The following XAF1 variants were observed in gnomAD, a reference collection of about 807,000 sequenced individuals.
XAF1 encodes the protein XIAP associated factor 1, also known as XIAP-associated factor 1.
XAF1 carries 32 observed loss-of-function variants against 32.3 expected under a neutral mutation model. The ratio of observed to expected loss-of-function variants is 0.99; its 90% CI spans 0.75 to 1.33. The LOEUF is 1.33. Ranked by LOEUF, XAF1 falls within the 40% of genes most tolerant of loss-of-function variation. XAF1 has a pLI of 0.00. For synonymous variants in XAF1, 120 were observed against 125.9 expected (o/e 0.95, Z 0.31); for missense variants, 379 against 366.0 (o/e 1.04, Z -0.29).
intron 6 of XAF1, chr17:6,772,804 T>C: frequency 3.9e-6 from 1 of 256,382 alleles, no homozygotes; most frequent in South Asian, 7.7e-5. Context: ...AATTCAGCAA[T>C]ACCCAAGGAA....
rs532256542 is a variant in XAF1, at chr17:6,770,759, A to G, written c.624A>G (p.Lys208=). Residue 208 remains lysine, a synonymous_variant, in exon 6 of 7, where the codon AAA becomes AAG. Coordinates refer to ENST00000361842, the MANE Select transcript of XAF1 (RefSeq NM_017523.5). ...AAENQTSTME[K]DVRPKTRSIN... ...AAAATCAAACTTCCACGATGGAGAA[A>G]GATGTTCGTCCAAAGACAAGAAGTA... 1.4e-5 allele frequency: 23 copies of G among 1,614,076 alleles called. 1 individual carries two copies. The South Asian group carries it at 2.4e-4, about 17-fold the overall frequency.
intron 5 of XAF1, among the ~76,000 whole-genome samples, chr17:6,763,575 G>A (rs373596061): frequency 5.9e-5 from 9 of 152,104 alleles, no homozygotes; most frequent in Admixed American, 3.9e-4. Flanking sequence ...CAGGTTATCC[G>A]CCTTCCTCGG....
intron 4 of XAF1, 175 bp from the exon 5 acceptor site, chr17:6,761,980 C>G: frequency 6.5e-7 from 1 of 1,532,068 alleles, no homozygotes; most frequent in Non-Finnish European, 8.7e-7. Flanking sequence ...GTGGGTGATT[C>G]GGCCAAGAGT....
At chr17:6,766,119 CT>C (rs1184939119) in intron 5 of XAF1, among the ~76,000 whole-genome samples, 2 of 152,180 alleles carry the variant, frequency 1.3e-5, no homozygotes, top group African/African-American at 4.8e-5. Flanking sequence ...TCTCTCACTT[CT>C]CTCAAGTCTT....
intron 5 of XAF1, 104 bp from the exon 6 acceptor site, chr17:6,770,539 A>G (rs1329100541): frequency 1.0e-6 from 1 of 971,574 alleles, no homozygotes; most frequent in Non-Finnish European, 1.5e-6. Context: ...ACACCATATA[A>G]AAGTGTTTAC....
At chr17:6,767,448 A>C (rs1975700606) in intron 5 of XAF1, among the ~76,000 whole-genome samples, 1 of 152,240 alleles carries the variant, frequency 6.6e-6, no homozygotes, top group Non-Finnish European at 1.5e-5. Context: ...GACAGCAATA[A>C]TAGAAGTGGG....
chr17:6,762,756 C>T lies in XAF1; in HGVS notation c.507+516C>T, dbSNP rs141664918. Reference sequence around the variant, plus strand: ...TCTTCCCTCCATAGCCCCTAAGCGCCGTTTAGTGCATTGCTGTGCCAAGTT... The same window carrying T: ...TCTTCCCTCCATAGCCCCTAAGCGCTGTTTAGTGCATTGCTGTGCCAAGTT... On this transcript the variant is annotated intron_variant, in intron 5 of 6. Coordinates refer to ENST00000361842, the MANE Select transcript of XAF1 (RefSeq NM_017523.5). 3.5e-3 allele frequency among the ~76,000 whole-genome samples: 534 copies of T among 152,334 alleles called. 3 individuals carry two copies. The highest frequency in any genetic ancestry group is 0.02 in the Middle Eastern group (6 of 294).
In XAF1 at chr17:6,770,985, G is replaced by A. The variant is rs770637732; in HGVS notation, c.849+1G>A. The A allele has an allele frequency of 6.2e-7, 1 of 1,613,888 alleles. No individual in the cohort carries two copies. The highest frequency in any genetic ancestry group is 1.1e-5 in the South Asian group (1 of 91,046). The stretch of plus-strand genomic sequence containing the variant: ...CCTGCCGATCCTAAATCAACATCAG[G>A]TACTCAGCCTCTGTTCTCTGCTTAC... On this transcript the variant is annotated splice_donor_variant, in intron 6 of 6. Transcript: ENST00000361842. LOFTEE classifies it high-confidence loss of function.
At chr17:6,759,020 G>A (rs769063367) in intron 2 of XAF1, 20 of 466,476 alleles carry the variant, frequency 4.3e-5, no homozygotes, top group Middle Eastern at 3.7e-4. Flanking sequence ...AAGGGGTCTG[G>A]GAGTCAGGGA....
rs745889233 is a variant in XAF1 at position 6,770,849 on chromosome 17, C to G, written c.714C>G (p.Thr238=). The G allele has an allele frequency of 6.2e-7, 1 of 1,613,954 alleles. No individual in the cohort carries two copies. ...AAGCACCAAGAAGCAAAAACAAAAC[C>G]TTGGATCCACTTTTGATGTCAGAGC... ...SKKAPRSKNK[T]LDPLLMSEPK... Residue 238 remains threonine (T), a synonymous_variant, in exon 6 of 7, where the codon ACC becomes ACG. Coordinates refer to ENST00000361842, the MANE Select transcript of XAF1 (RefSeq NM_017523.5).
chr17:6,761,034 G>C (rs1975166433), intron 4 of XAF1, among the ~76,000 whole-genome samples: 1 of 152,140 alleles, frequency 6.6e-6, no homozygotes, highest in African/African-American at 2.4e-5. Context: ...GACGCCTGTA[G>C]TCCCAGCTAC....
At chr17:6,760,214 G>C (rs1253840433) in intron 3 of XAF1, among the ~76,000 whole-genome samples, 192 bp from the exon 4 acceptor site, 1 of 152,142 alleles carries the variant, frequency 6.6e-6, no homozygotes, top group African/African-American at 2.4e-5. Flanking sequence ...TGGGCGTGGT[G>C]GCACACGCCT....
chr17:6,756,140 C>T, intron 1 of XAF1, 30 bp downstream of exon 1: 1 of 1,613,772 alleles, frequency 6.2e-7, no homozygotes, highest in Non-Finnish European at 8.5e-7. Flanking sequence ...AGCGGCAGAC[C>T]CGGGCTGGCG....
chr17:6,758,668 C>T, intron 2 of XAF1: 1 of 321,624 alleles, frequency 3.1e-6, no homozygotes, highest in Non-Finnish European at 6.1e-6. Context: ...ATCTTCCCTG[C>T]AGGAGAGATG....
intron 2 of XAF1, chr17:6,759,421 T>A: frequency 7.1e-7 from 1 of 1,402,608 alleles, no homozygotes; most frequent in Non-Finnish European, 9.2e-7. Context: ...CCCTGATCTG[T>A]CTCTCTGGAG....
Position 6,758,085 on chromosome 17 carries a change from G to A in XAF1, c.33-4G>A. On this transcript the variant is annotated splice_polypyrimidine_tract_variant and splice_region_variant and intron_variant, in intron 1 of 6. Coordinates refer to ENST00000361842, the MANE Select transcript of XAF1 (RefSeq NM_017523.5). The stretch of plus-strand genomic sequence containing the variant: ...TTTTCTATCCCCACACCTTGACCCT[G>A]TAGTAAAAGACATGTAGTCTCTGCC... 1.2e-6 allele frequency: 2 copies of A among 1,614,200 alleles called. No individual in the cohort carries two copies. Among genetic ancestry groups the A allele is most frequent in the African/African-American group, 1.3e-5 (1 of 75,042 alleles).
At chr17:6,771,122 C>T (rs558670633) in intron 6 of XAF1, 138 bp downstream of exon 6, 14 of 845,814 alleles carry the variant, frequency 1.7e-5, no homozygotes, top group Middle Eastern at 2.3e-4. Flanking sequence ...CTCTGGGTGC[C>T]CAAATGCACT....
At chr17:6,756,275 G>A in intron 1 of XAF1, 165 bp downstream of exon 1, 2 of 1,358,008 alleles carry the variant, frequency 1.5e-6, no homozygotes, top group Non-Finnish European at 1.9e-6. Context: ...GTTTAAACTT[G>A]GTAATCTCTG....
chr17:6,758,564 A>T (rs576702741), intron 2 of XAF1: 157 of 369,098 alleles, frequency 4.3e-4, no homozygotes, highest in Non-Finnish European at 7.2e-4. Flanking sequence ...GCGAGTGTTC[A>T]GTCCTCTCTG....
Sources: allele counts gnomAD v4.1 joint callset (sites outside exome capture counted in the v4.1 genomes callset), GRCh38; gene constraint gnomAD v4.1.1; transcripts MANE v1.5; gene names NCBI Gene and HGNC (gene_info 2026-07-23, HGNC 2026-07-21).